Variants in PGAP1 observed in about 807,000 individuals in gnomAD.
The protein encoded by PGAP1 is post-GPI attachment to proteins inositol deacylase 1, also known as GPI inositol-deacylase.
In PGAP1, 76 loss-of-function variants were observed where a neutral mutation model predicts 127.0. That is an observed-to-expected ratio of 0.60 (90% CI 0.50 to 0.72). The LOEUF (loss-of-function observed/expected upper bound fraction) is 0.72. Ranked by LOEUF, PGAP1 falls within the 30% of genes least tolerant of loss-of-function variation. PGAP1 has a pLI of 0.00. For synonymous variants in PGAP1, 362 were observed against 366.5 expected, an observed-to-expected ratio of 0.99 and a Z score of 0.14; for missense variants, 982 against 1,071.3, an observed-to-expected ratio of 0.92 and a Z score of 1.16.
chr2:196,891,067 G>A lies in PGAP1; in HGVS notation c.1090-156C>T, dbSNP rs527246730. 4.6e-5 allele frequency among the ~76,000 whole-genome samples: 7 copies of A among 152,312 alleles called. No individual in the cohort carries two copies. The South Asian group carries it at 6.2e-4, about 14-fold the overall frequency. ...CTAGGAGTGGGAGAAGGAAGATACAGAAGGGCAAGAGAAAGATTAGGTATA... is the reference window on the plus strand; with the variant it reads ...CTAGGAGTGGGAGAAGGAAGATACAAAAGGGCAAGAGAAAGATTAGGTATA... On this transcript the variant is annotated intron_variant, in intron 9 of 26. Coordinates refer to ENST00000354764, the MANE Select transcript of PGAP1 (RefSeq NM_024989.4).
Position 196,916,404 on chromosome 2 carries a change from T to G in PGAP1, c.477+14A>C. ...TAGGTTGCACCACTATTGATTTGCA[T>G]ACTTATCTCTCACCTTATAGAGTTT... is the stretch of plus-strand genomic sequence containing the variant. On this transcript the variant is annotated intron_variant, in intron 3 of 26. Transcript: ENST00000354764. The G allele has an allele frequency of 6.3e-7, 1 of 1,584,938 alleles. No individual in the cohort carries two copies. Among genetic ancestry groups the G allele is most frequent in the South Asian group, 1.2e-5 (1 of 85,890 alleles).
intron 1 of PGAP1, among the ~76,000 whole-genome samples, chr2:196,920,540 CT>C (rs565622536): frequency 2.0e-5 from 3 of 152,066 alleles, no homozygotes; most frequent in Non-Finnish European, 4.4e-5. Flanking sequence ...CAAATCAATT[CT>C]TTTTTTCCAT....
At chr2:196,861,343 T>C (rs1701058029) in intron 20 of PGAP1, among the ~76,000 whole-genome samples, 1 of 152,128 alleles carries the variant, frequency 6.6e-6, no homozygotes, top group Non-Finnish European at 1.5e-5. Flanking sequence ...GCTAAAAGGC[T>C]ACTGCACAGC....
intron 20 of PGAP1, among the ~76,000 whole-genome samples, chr2:196,862,686 C>A (rs1701106620): frequency 6.6e-6 from 1 of 152,178 alleles, no homozygotes; most frequent in African/African-American, 2.4e-5. Flanking sequence ...CTCAAGCCAG[C>A]CAACGCTTAG....
Position 196,875,815 on chromosome 2 carries a change from CAACAAACTGAAA to C in PGAP1, c.1351-6_1356del, listed in dbSNP as rs749342130. ...TCTTTTTTAAAGAATTCACAATCTA[CAACAAACTGAAA>C]TATAAAACATTGATTTATTAGAAAA... is the stretch of plus-strand genomic sequence containing the variant. On this transcript the variant is annotated splice_acceptor_variant and splice_polypyrimidine_tract_variant and coding_sequence_variant and intron_variant, in exon 14 of 27. Coordinates refer to ENST00000354764, the MANE Select transcript of PGAP1 (RefSeq NM_024989.4). LOFTEE classifies it high-confidence loss of function. 1 of 1,440,906 alleles carries C rather than the reference CAACAAACTGAAA, an allele frequency of 6.9e-7. No homozygotes were observed. The highest frequency in any genetic ancestry group is 1.2e-5 in the South Asian group (1 of 84,424). The allele number at this position is 1,440,906 out of a possible 1,614,324, so 89.3% of individuals were successfully genotyped here. A position where few individuals can be genotyped will look rare whatever the true frequency, so the allele number is the denominator to read the frequency against.
At chr2:196,914,301 T>C (rs994640215) in intron 3 of PGAP1, among the ~76,000 whole-genome samples, 2 of 152,322 alleles carry the variant, frequency 1.3e-5, no homozygotes, top group South Asian at 4.1e-4. Flanking sequence ...GTGACTACTT[T>C]ACATTTCTTT....
chr2:196,852,761 A>C (rs897562472), intron 20 of PGAP1, among the ~76,000 whole-genome samples: 1 of 152,274 alleles, frequency 6.6e-6, no homozygotes, highest in African/African-American at 2.4e-5. Flanking sequence ...AACAAAACAG[A>C]ATAGTTTTTA....
Position 196,924,408 on chromosome 2 carries a change from T to G in PGAP1, c.147+2062A>C, listed in dbSNP as rs1444577301. The stretch of plus-strand genomic sequence containing the variant: ...AAACATTTTTATTCATGAAAGCCAT[T>G]TGGTTCTCAACAGAATGGCCTCATT... On this transcript the variant is annotated intron_variant, in intron 1 of 26. Transcript: ENST00000354764. Among the ~76,000 whole-genome samples, 3 of 152,184 alleles carry G rather than the reference T, an allele frequency of 2.0e-5. No homozygotes were observed. The East Asian group carries it at 5.8e-4, about 29-fold the overall frequency.
chr2:196,888,546 G>A (rs1466894116), intron 10 of PGAP1, among the ~76,000 whole-genome samples: 1 of 151,792 alleles, frequency 6.6e-6, no homozygotes, highest in Non-Finnish European at 1.5e-5. Flanking sequence ...AGACACTATG[G>A]GAATACAATC....
In PGAP1 at chr2:196,836,730, C is replaced by T. The variant is rs1700246847; in HGVS notation, c.*4504G>A. 1 of 152,106 alleles carries T rather than the reference C, an allele frequency of 6.6e-6. No homozygotes were observed. The highest frequency in any genetic ancestry group is 1.9e-4 in the East Asian group (1 of 5,198). 9.4% of individuals were successfully genotyped at this position (152,106 alleles called of 1,614,324 possible). Reference sequence around the variant, plus strand: ...GAATAAAATTTTGGCTCCTAATCAACTTACTATGCTGTAAAAGTCCCTTCT... The same window carrying T: ...GAATAAAATTTTGGCTCCTAATCAATTTACTATGCTGTAAAAGTCCCTTCT... On this transcript the variant is annotated 3_prime_UTR_variant, in exon 27 of 27. Coordinates refer to ENST00000354764, the MANE Select transcript of PGAP1 (RefSeq NM_024989.4).
chr2:196,896,963 T>C (rs1419955200), intron 7 of PGAP1, among the ~76,000 whole-genome samples, 168 bp downstream of exon 7: 2 of 152,074 alleles, frequency 1.3e-5, no homozygotes, highest in Non-Finnish European at 2.9e-5. Context: ...AGTCAAAGTA[T>C]TATGAGAAAA....
Position 196,844,578 on chromosome 2 carries a change from A to G in PGAP1, c.2287-4T>C. 6.3e-7 allele frequency: 1 copy of G among 1,585,782 alleles called. No homozygotes were observed. The highest frequency in any genetic ancestry group is 1.4e-5 in the African/African-American group (1 of 73,710). On this transcript the variant is annotated splice_polypyrimidine_tract_variant and splice_region_variant and intron_variant, in intron 23 of 26. Coordinates refer to ENST00000354764, the MANE Select transcript of PGAP1 (RefSeq NM_024989.4). ...AGCTGGCTTGCAGATGAACAACCTAAGAAAAATAAATTGCTCTTTAATTTT... is the reference window on the plus strand; with the variant it reads ...AGCTGGCTTGCAGATGAACAACCTAGGAAAAATAAATTGCTCTTTAATTTT...
At chr2:196,922,176 T>C (rs1703217692) in intron 1 of PGAP1, 2 of 1,298,980 alleles carry the variant, frequency 1.5e-6, no homozygotes, top group African/African-American at 1.5e-5. Context: ...TAGTTCAGGT[T>C]CTTCTCATCT....
At chr2:196,889,613 T>C (rs1271123483) in intron 10 of PGAP1, among the ~76,000 whole-genome samples, 1 of 151,484 alleles carries the variant, frequency 6.6e-6, no homozygotes, top group Non-Finnish European at 1.5e-5. Flanking sequence ...TCCCAGCACT[T>C]TGGGAGGCCG....
intron 13 of PGAP1, chr2:196,877,695 A>G (rs1053757164): frequency 5.3e-5 from 8 of 152,132 alleles, no homozygotes; most frequent in African/African-American, 1.7e-4. Flanking sequence ...AGTCATTGAG[A>G]TGACTCCCAA....
At chr2:196,867,697 T>G (rs2125795438) in intron 19 of PGAP1, among the ~76,000 whole-genome samples, 1 of 152,332 alleles carries the variant, frequency 6.6e-6, no homozygotes, top group South Asian at 2.1e-4. Flanking sequence ...TGTTCTCCAT[T>G]CCACAGAATT....
At chr2:196,900,306 T>C (rs75918160) in intron 5 of PGAP1, among the ~76,000 whole-genome samples, 1,547 of 152,334 alleles carry the variant, frequency 0.01, 24 homozygotes, top group African/African-American at 0.035. Context: ...TCAAGTTCTA[T>C]TGTGCTTAAG....
At chr2:196,891,855 AAAAACAAAAAC>A in intron 9 of PGAP1, among the ~76,000 whole-genome samples, 1 of 152,230 alleles carries the variant, frequency 6.6e-6, no homozygotes, top group South Asian at 2.1e-4. Context: ...AAAGTCTAGC[AAAAACAAAAAC>A]AAAACAAAAA....
chr2:196,915,246 G>A (rs916160323), intron 3 of PGAP1, among the ~76,000 whole-genome samples: 4 of 151,974 alleles, frequency 2.6e-5, no homozygotes, highest in African/African-American at 9.7e-5. Flanking sequence ...GGTGACTCAG[G>A]TCTCCGCCCT....
Sources: gnomAD v4.1 joint callset for allele counts (sites outside exome capture counted in the v4.1 genomes callset) on GRCh38, gnomAD v4.1.1 for gene constraint, MANE v1.5 for transcripts, NCBI Gene and HGNC (gene_info 2026-07-23, HGNC 2026-07-21) for gene names.